The following POP4 variants were observed in gnomAD, a reference collection of about 807,000 sequenced individuals.
POP4 encodes the protein POP4 ribonuclease P/MRP subunit.
In POP4, 31 loss-of-function variants were observed where a neutral mutation model predicts 29.9. The ratio of observed to expected loss-of-function variants is 1.04; its 90% CI spans 0.78 to 1.40. The LOEUF (loss-of-function observed/expected upper bound fraction) is 1.40. Among genes scored for constraint, POP4 ranks in the 40% most tolerant of loss-of-function variants. POP4 has a pLI of 0.00. For missense variants in POP4, 286 were observed against 282.7 expected, an observed-to-expected ratio of 1.01 and a Z score of -0.08; for synonymous variants, 110 against 108.2, an observed-to-expected ratio of 1.02 and a Z score of -0.10.
chr19:29,606,441 A>G (rs1035660125), intron 1 of POP4, 116 bp downstream of exon 1: 4 of 1,244,138 alleles, frequency 3.2e-6, no homozygotes, highest in Non-Finnish European at 3.3e-6. Flanking sequence ...CAGAACCGCT[A>G]CAGGAATGGG....
chr19:29,608,339 G>A (rs901377015), intron 1 of POP4, among the ~76,000 whole-genome samples: 1 of 141,272 alleles, frequency 7.1e-6, no homozygotes, highest in Non-Finnish European at 1.5e-5. Flanking sequence ...CGATCTTGGC[G>A]CATTGCAGCC....
rs199910211 is a variant in POP4 at position 29,615,292 on chromosome 19, T to C, written c.575T>C (p.Ile192Thr). Reference sequence around the variant, plus strand: ...TTCACTGTGGAAACCGATGGCTTTATTTCCTACATTTACGGGAGCAAATTC... The same window carrying C: ...TTCACTGTGGAAACCGATGGCTTTACTTCCTACATTTACGGGAGCAAATTC... ...CVFTVETDGF[I>T]SYIYGSKFQL... is the part of the protein sequence containing the mutation. The change falls in exon 7 of 7, where the codon ATT becomes ACT. Residue 192 changes from isoleucine to threonine, a missense_variant. Transcript: ENST00000585603. The C allele has an allele frequency of 9.3e-6, 15 of 1,613,752 alleles. No individual in the cohort carries two copies. The highest frequency in any genetic ancestry group is 1.3e-5 in the African/African-American group (1 of 74,866).
rs754272231 is a variant in POP4, at chr19:29,615,195, T to C, written c.527-49T>C. ...TACCTAAAAGTAAAATATTAATAAA[T>C]ATTTTTCCTCATCTTTTTTTCTCCT... is the stretch of plus-strand genomic sequence containing the variant. On this transcript the variant is annotated intron_variant, in intron 6 of 6. Coordinates refer to ENST00000585603, the MANE Select transcript of POP4 (RefSeq NM_006627.3). 3 of 1,484,644 alleles carry C rather than the reference T, an allele frequency of 2.0e-6. No individual in the cohort carries two copies. The East Asian group carries it at 7.4e-5, about 36-fold the overall frequency. 92.0% of individuals were successfully genotyped at this position (1,484,644 alleles called of 1,614,324 possible). A position where few individuals can be genotyped will look rare whatever the true frequency, so the allele number is the denominator to read the frequency against.
intron 5 of POP4, 143 bp downstream of exon 5, chr19:29,612,321 C>A: frequency 1.3e-6 from 1 of 798,040 alleles, no homozygotes; most frequent in Non-Finnish European, 1.9e-6. Context: ...ATCATCCCCA[C>A]GCTAAGGGTG....
At position 29,613,980 on chromosome 19, in the gene POP4, G is replaced by T. The variant is rs776535169; in HGVS notation, c.526+8G>T. The T allele has an allele frequency of 1.2e-6, 2 of 1,609,148 alleles. No individual in the cohort carries two copies. The highest frequency in any genetic ancestry group is 1.7e-5 in the Admixed American group (1 of 58,642). ...AAGAAGACCGCCTGAAAGGTATGTA[G>T]GTGTTTCTGAGGGCATTGCTTGCGG... is the stretch of plus-strand genomic sequence containing the variant. On this transcript the variant is annotated splice_region_variant and intron_variant, in intron 6 of 6. Transcript: ENST00000585603.
intron 1 of POP4, among the ~76,000 whole-genome samples, chr19:29,607,751 T>TATAC (rs1460404956): frequency 6.6e-6 from 1 of 152,244 alleles, no homozygotes; most frequent in East Asian, 1.9e-4. Context: ...AAAACTTGTA[T>TATAC]TTTATCAGTT....
rs532467954 is a variant in POP4, at chr19:29,614,027, G to A, written c.526+55G>A. The A allele has an allele frequency of 5.3e-4, 841 of 1,572,438 alleles. 4 individuals carry two copies. Among genetic ancestry groups the A allele is most frequent in the South Asian group, 1.7e-3 (144 of 83,144 alleles). ...GCGGGCTGTGGCTCCCAGCTACTGC[G>A]TTAGCCTTTTCCTCAAGGCTCCAAG... On this transcript the variant is annotated intron_variant, in intron 6 of 6. Transcript: ENST00000585603.
intron 3 of POP4, among the ~76,000 whole-genome samples, chr19:29,611,296 G>A (rs888734132): frequency 6.6e-5 from 10 of 152,222 alleles, no homozygotes; most frequent in African/African-American, 1.4e-4. Flanking sequence ...TTTGCCTCCC[G>A]GGTGGAGCCC....
chr19:29,606,855 T>C (rs1971004434), intron 1 of POP4, among the ~76,000 whole-genome samples: 1 of 140,100 alleles, frequency 7.1e-6, no homozygotes, highest in Admixed American at 6.9e-5. Context: ...AAGTAGATTG[T>C]CTCGGCATGT....
In POP4 at chr19:29,615,296, C is replaced by T. The variant is rs756671833; in HGVS notation, c.579C>T (p.Ser193=). Reference sequence around the variant, plus strand: ...CTGTGGAAACCGATGGCTTTATTTCCTACATTTACGGGAGCAAATTCCAGC... The same window carrying T: ...CTGTGGAAACCGATGGCTTTATTTCTTACATTTACGGGAGCAAATTCCAGC... ...VFTVETDGFI[S]YIYGSKFQLR... Residue 193 remains serine (S), a synonymous_variant, in exon 7 of 7, where the codon TCC becomes TCT. Transcript: ENST00000585603. 1 of 1,609,138 alleles carries T rather than the reference C, an allele frequency of 6.2e-7. No individual in the cohort carries two copies. Among genetic ancestry groups the T allele is most frequent in the South Asian group, 1.1e-5 (1 of 90,876 alleles).
intron 3 of POP4, chr19:29,611,513 A>G (rs866244108): frequency 1.7e-5 from 4 of 239,284 alleles, no homozygotes; most frequent in Non-Finnish European, 2.5e-5. Context: ...CGTGACAACC[A>G]GCAACCCCTG....
intron 6 of POP4, among the ~76,000 whole-genome samples, chr19:29,614,503 A>C (rs981351693): frequency 1.2e-5 from 1 of 83,616 alleles, no homozygotes; most frequent in Admixed American, 1.7e-4. Flanking sequence ...TGTTCCTTTA[A>C]TTTTTCTTTT....
intron 4 of POP4, 36 bp from the exon 5 acceptor site, chr19:29,612,081 C>T (rs1160009710): frequency 6.3e-7 from 1 of 1,594,310 alleles, no homozygotes; most frequent in Non-Finnish European, 8.5e-7. Context: ...AACTTTTTAT[C>T]ATGATGTAAA....
chr19:29,611,748 C>G (rs878905516), intron 3 of POP4, 114 bp from the exon 4 acceptor site: 4 of 840,934 alleles, frequency 4.8e-6, no homozygotes, highest in Middle Eastern at 2.3e-4. Flanking sequence ...GCACATAGTT[C>G]CTAATGATCC....
chr19:29,610,304 C>T lies in POP4; in HGVS notation c.61-105C>T. 5.8e-6 allele frequency: 6 copies of T among 1,038,734 alleles called. No individual in the cohort carries two copies. The South Asian group carries it at 9.9e-5, about 17-fold the overall frequency. The allele number at this position is 1,038,734 out of a possible 1,614,324, so 64.3% of individuals were successfully genotyped here. ...GCCTCAGTAGGTAAAGGGATGGGCC[C>T]CATTTGCTCTTGCAGTAGCTGCCGG... On this transcript the variant is annotated intron_variant, in intron 2 of 6. Coordinates refer to ENST00000585603, the MANE Select transcript of POP4 (RefSeq NM_006627.3).
chr19:29,610,470 G>T lies in POP4; in HGVS notation c.122G>T (p.Arg41Leu), dbSNP rs369766266. 3 of 1,603,540 alleles carry T rather than the reference G, an allele frequency of 1.9e-6. No homozygotes were observed. Among genetic ancestry groups the T allele is most frequent in the Non-Finnish European group, 2.6e-6 (3 of 1,175,240 alleles). ...GCCTTCCTGAAGCGCAGCACGCCCCGCATGAGCCCGCAGGCCCGCGAGGAC... is the reference window on the plus strand; with the variant it reads ...GCCTTCCTGAAGCGCAGCACGCCCCTCATGAGCCCGCAGGCCCGCGAGGAC... ...VRAFLKRSTP[R>L]MSPQAREDQL... Residue 41 changes from arginine to leucine, a missense_variant, in exon 3 of 7, where the codon CGC becomes CTC. Coordinates refer to ENST00000585603, the MANE Select transcript of POP4 (RefSeq NM_006627.3).
chr19:29,611,331 T>G (rs1971065961), intron 3 of POP4, among the ~76,000 whole-genome samples: 1 of 152,200 alleles, frequency 6.6e-6, no homozygotes, highest in African/African-American at 2.4e-5. Flanking sequence ...CTTAAGGTCC[T>G]CATTTCTCTA....
intron 6 of POP4, 26 bp downstream of exon 6, chr19:29,613,998 G>T: frequency 6.3e-7 from 1 of 1,597,822 alleles, no homozygotes; most frequent in Non-Finnish European, 8.5e-7. Flanking sequence ...TGAGGGCATT[G>T]CTTGCGGGCT....
At position 29,615,495 on chromosome 19, in the gene POP4, C is replaced by A; in HGVS notation, c.*115C>A. ...AATTCCATTTATAGACCACCTCCAG[C>A]CAGTGACGCTCCGAGTTGAGGATGT... On this transcript the variant is annotated 3_prime_UTR_variant, in exon 7 of 7. Transcript: ENST00000585603. 1.7e-6 allele frequency: 2 copies of A among 1,143,778 alleles called. No homozygotes were observed. Among genetic ancestry groups the A allele is most frequent in the Non-Finnish European group, 2.5e-6 (2 of 815,336 alleles). 70.9% of individuals were successfully genotyped at this position (1,143,778 alleles called of 1,614,324 possible).
Sources: gnomAD v4.1 joint callset for allele counts (sites outside exome capture counted in the v4.1 genomes callset) on GRCh38, gnomAD v4.1.1 for gene constraint, MANE v1.5 for transcripts, NCBI Gene and HGNC (gene_info 2026-07-23, HGNC 2026-07-21) for gene names.